TTLL5: variants seen among roughly 807,000 people sequenced by gnomAD.
TTLL5 encodes tubulin tyrosine ligase like 5.
TTLL5 carries 132 observed loss-of-function variants against 168.4 expected under a neutral mutation model. The ratio of observed to expected loss-of-function variants is 0.78; its 90% CI spans 0.68 to 0.91. The LOEUF is 0.91. TTLL5 is among the 40% of genes least tolerant of loss of function. The probability of loss-of-function intolerance (pLI) is 0.00; values close to 1 mark genes in which losing one functional copy is unlikely to be tolerated. For synonymous variants in TTLL5, 546 were observed against 558.6 expected, an observed-to-expected ratio of 0.98 and a Z score of 0.32; for missense variants, 1,545 against 1,581.5, an observed-to-expected ratio of 0.98 and a Z score of 0.39.
At chr14:75,664,760 T>A (rs1883127265) in intron 2 of TTLL5, among the ~76,000 whole-genome samples, 2 of 152,238 alleles carry the variant, frequency 1.3e-5, no homozygotes, top group Admixed American at 1.3e-4. Context: ...GACTTTTTGC[T>A]TTCGGTGTGC....
chr14:75,662,847 G>A (rs1390906531), intron 1 of TTLL5, among the ~76,000 whole-genome samples: 1 of 152,114 alleles, frequency 6.6e-6, no homozygotes, highest in Non-Finnish European at 1.5e-5. Context: ...AGCACAGACT[G>A]TATGTTTGAA....
intron 28 of TTLL5, among the ~76,000 whole-genome samples, chr14:75,857,385 A>ATAGATAGG (rs1897184723): frequency 8.2e-6 from 1 of 121,828 alleles, no homozygotes; most frequent in Admixed American, 8.2e-5. Flanking sequence ...GGTTGATTAG[A>ATAGATAGG]TAGATAGATA....
chr14:75,910,753 T>C (rs976397844), intron 31 of TTLL5, among the ~76,000 whole-genome samples: 2 of 152,256 alleles, frequency 1.3e-5, no homozygotes, highest in Non-Finnish European at 2.9e-5. Context: ...TGACTTGAAG[T>C]GTATTGCCCT....
At chr14:75,755,685 A>G (rs1437303990) in intron 18 of TTLL5, among the ~76,000 whole-genome samples, 1 of 152,162 alleles carries the variant, frequency 6.6e-6, no homozygotes, top group Non-Finnish European at 1.5e-5. Context: ...ACACGGAAAC[A>G]TGCATTGAAA....
intron 15 of TTLL5, among the ~76,000 whole-genome samples, chr14:75,743,685 C>T (rs1211631815): frequency 1.3e-5 from 2 of 150,762 alleles, no homozygotes; most frequent in African/African-American, 2.4e-5. Context: ...GGGTTCACGC[C>T]ATTCTCCTGC....
chr14:75,814,964 A>T (rs988667171), intron 27 of TTLL5, among the ~76,000 whole-genome samples: 1 of 152,228 alleles, frequency 6.6e-6, no homozygotes, highest in African/African-American at 2.4e-5. Context: ...CCATTATCAC[A>T]GATCATTCTA....
rs141136381 is a variant in TTLL5 at position 75,896,989 on chromosome 14, T to A, written c.3741-5153T>A. On this transcript the variant is annotated intron_variant, in intron 30 of 31. Coordinates refer to ENST00000298832, the MANE Select transcript of TTLL5 (RefSeq NM_015072.5). ...GGCTTATATTCCTTAAATAGAGACT[T>A]GTACTAGAAAAAATTTTTCAAAATA... Among the ~76,000 whole-genome samples, 622 of 152,300 alleles carry A rather than the reference T, an allele frequency of 4.1e-3. 3 individuals carry two copies. The highest frequency in any genetic ancestry group is 0.015 in the East Asian group (76 of 5,192).
At chr14:75,853,189 C>T (rs1896963175) in intron 28 of TTLL5, among the ~76,000 whole-genome samples, 1 of 152,202 alleles carries the variant, frequency 6.6e-6, no homozygotes, top group African/African-American at 2.4e-5. Flanking sequence ...GACTCATTTA[C>T]ACCAAGATTG....
At chr14:75,927,941 G>C (rs536973677) in intron 31 of TTLL5, among the ~76,000 whole-genome samples, 1 of 152,202 alleles carries the variant, frequency 6.6e-6, no homozygotes, top group Non-Finnish European at 1.5e-5. Flanking sequence ...TAATTCTGCT[G>C]TTCCTAGGCA....
chr14:75,704,527 A>AGATGC (rs1377099608), intron 7 of TTLL5, among the ~76,000 whole-genome samples: 1 of 152,230 alleles, frequency 6.6e-6, no homozygotes, highest in African/African-American at 2.4e-5. Context: ...CGAAGAAATG[A>AGATGC]GATGCTGTCT....
intron 31 of TTLL5, among the ~76,000 whole-genome samples, chr14:75,920,384 A>G (rs1384263830): frequency 6.6e-6 from 1 of 151,968 alleles, no homozygotes; most frequent in African/African-American, 2.4e-5. Flanking sequence ...TCCTAATGCT[A>G]TTCCTCCCCC....
chr14:75,695,620 C>G (rs185887904), intron 6 of TTLL5, among the ~76,000 whole-genome samples: 1 of 152,164 alleles, frequency 6.6e-6, no homozygotes, highest in Non-Finnish European at 1.5e-5. Context: ...TAAAATTTCT[C>G]TCTTTTGTAC....
At chr14:75,877,489 CTG>C (rs1258456147) in intron 29 of TTLL5, among the ~76,000 whole-genome samples, 2 of 152,158 alleles carry the variant, frequency 1.3e-5, no homozygotes, top group Non-Finnish European at 2.9e-5. Context: ...AACCCTCAAA[CTG>C]TGGTTTTTCT....
chr14:75,820,286 C>T (rs1894751766), intron 28 of TTLL5, 125 bp downstream of exon 28: 2 of 1,016,600 alleles, frequency 2.0e-6, no homozygotes, highest in African/African-American at 1.7e-5. Flanking sequence ...TCTCCACCTG[C>T]CTCGATCCTC....
At chr14:75,694,494 T>A (rs1233614807) in intron 6 of TTLL5, among the ~76,000 whole-genome samples, 1 of 152,084 alleles carries the variant, frequency 6.6e-6, no homozygotes, top group East Asian at 1.9e-4. Flanking sequence ...GCACCATGCC[T>A]AGCTAATTTT....
chr14:75,872,717 C>T (rs531807453), intron 29 of TTLL5, among the ~76,000 whole-genome samples: 1 of 152,046 alleles, frequency 6.6e-6, no homozygotes, highest in South Asian at 2.1e-4. Context: ...CGAGACCAGC[C>T]TGACCACCGT....
At chr14:75,930,554 C>T in intron 31 of TTLL5, 1 of 950,564 alleles carries the variant, frequency 1.1e-6, no homozygotes, top group Non-Finnish European at 1.3e-6. Context: ...AAAGGATAAT[C>T]AGCCTGTATA....
chr14:75,893,817 CAAAAAA>C (rs61332109), intron 30 of TTLL5, among the ~76,000 whole-genome samples: 1 of 71,618 alleles, frequency 1.4e-5, no homozygotes, highest in Admixed American at 1.9e-4. Flanking sequence ...GACTCCATCT[CAAAAAA>C]AAAAAAAAAA....
At chr14:75,855,908 G>T (rs1208733128) in intron 28 of TTLL5, among the ~76,000 whole-genome samples, 1 of 152,082 alleles carries the variant, frequency 6.6e-6, no homozygotes, top group Non-Finnish European at 1.5e-5. Context: ...TTTAATGTAG[G>T]AAGAAATAGG....
Sources: gnomAD v4.1 joint callset for allele counts (sites outside exome capture counted in the v4.1 genomes callset) on GRCh38, gnomAD v4.1.1 for gene constraint, MANE v1.5 for transcripts, NCBI Gene and HGNC (gene_info 2026-07-23, HGNC 2026-07-21) for gene names.